SLC44A5: variants seen among roughly 807,000 people sequenced by gnomAD.
SLC44A5 encodes the protein solute carrier family 44 member 5.
A neutral mutation model predicts 101.8 loss-of-function variants in SLC44A5; 57 were observed. That is an observed-to-expected ratio of 0.56 (90% CI 0.45 to 0.70). SLC44A5 has a LOEUF of 0.70. SLC44A5 is among the 30% of genes least tolerant of loss of function. The pLI is 0.00. For missense variants in SLC44A5, 737 were observed against 853.1 expected, an observed-to-expected ratio of 0.86 and a Z score of 1.70; for synonymous variants, 281 against 290.9, an observed-to-expected ratio of 0.97 and a Z score of 0.35.
chr1:75,472,165 C>G (rs1211623328), intron 2 of SLC44A5, among the ~76,000 whole-genome samples: 1 of 150,668 alleles, frequency 6.6e-6, no homozygotes, highest in Admixed American at 6.6e-5. Context: ...TCAAACAAGA[C>G]CAAAGAAAAA....
intron 6 of SLC44A5, among the ~76,000 whole-genome samples, chr1:75,263,692 G>A (rs1251689772): frequency 6.6e-6 from 1 of 152,128 alleles, no homozygotes; most frequent in Non-Finnish European, 1.5e-5. Context: ...TATGTTTATT[G>A]CAGCACTGTT....
chr1:75,540,189 G>A (rs75043243), intron 2 of SLC44A5, among the ~76,000 whole-genome samples: 5,962 of 152,202 alleles, frequency 0.039, 402 homozygotes, highest in African/African-American at 0.14. Flanking sequence ...GAGCATATAT[G>A]TACTACTTCT....
At chr1:75,306,085 T>C (rs1654875182) in intron 4 of SLC44A5, among the ~76,000 whole-genome samples, 1 of 152,238 alleles carries the variant, frequency 6.6e-6, no homozygotes, top group African/African-American at 2.4e-5. Flanking sequence ...AGAAACGTTA[T>C]GTAAAATTCA....
chr1:75,340,489 T>C (rs1272496015), intron 3 of SLC44A5, among the ~76,000 whole-genome samples: 1 of 152,234 alleles, frequency 6.6e-6, no homozygotes, highest in Non-Finnish European at 1.5e-5. Context: ...TTTGAGACAG[T>C]TGATTTGTAC....
rs1010350792 is a variant in SLC44A5, at chr1:75,242,973, A to G, written c.384T>C (p.Tyr128=). Residue 128 remains tyrosine (Y), a synonymous_variant, in exon 8 of 24, where the codon TAT becomes TAC. Coordinates refer to ENST00000370859, the MANE Select transcript of SLC44A5 (RefSeq NM_001130058.2). ...VSKCPEKFLT[Y]VEMQLLYTKD... ...TTGTGTACAAAAGTTGCATTTCCAC[A>G]TAGGTTAAAAATTTTTCTGGGCACT... 4 of 1,612,566 alleles carry G rather than the reference A, an allele frequency of 2.5e-6. No homozygotes were observed. The highest frequency in any genetic ancestry group is 1.3e-5 in the African/African-American group (1 of 74,936).
chr1:75,222,800 T>G (rs1022064950), intron 13 of SLC44A5, among the ~76,000 whole-genome samples: 3 of 152,154 alleles, frequency 2.0e-5, no homozygotes, highest in Admixed American at 6.5e-5. Flanking sequence ...GTTTTCACCT[T>G]TAGTTCATTA....
intron 2 of SLC44A5, among the ~76,000 whole-genome samples, chr1:75,523,245 G>A (rs1301081592): frequency 1.3e-5 from 2 of 152,080 alleles, no homozygotes; most frequent in South Asian, 2.1e-4. Flanking sequence ...GGTAGCATGT[G>A]GATATGACTC....
intron 22 of SLC44A5, among the ~76,000 whole-genome samples, chr1:75,213,092 C>G (rs1379235468): frequency 1.3e-5 from 2 of 152,148 alleles, no homozygotes; most frequent in African/African-American, 4.8e-5. Context: ...TCAGCTGTAA[C>G]TTCGGCATGG....
At chr1:75,438,024 T>C (rs1430129906) in intron 2 of SLC44A5, among the ~76,000 whole-genome samples, 1 of 152,064 alleles carries the variant, frequency 6.6e-6, no homozygotes, top group Non-Finnish European at 1.5e-5. Flanking sequence ...GCCCCCAGAG[T>C]GAGCCACTGT....
chr1:75,699,449 T>A, the SLC44A5 span, among the ~76,000 whole-genome samples: 7 of 151,576 alleles, frequency 4.6e-5, no homozygotes, highest in African/African-American at 1.7e-4. Flanking sequence ...GACAAGCAAA[T>A]GCTGAGAGAT....
intron 6 of SLC44A5, among the ~76,000 whole-genome samples, chr1:75,259,465 A>T (rs1263666852): frequency 6.6e-6 from 1 of 152,184 alleles, no homozygotes; most frequent in Non-Finnish European, 1.5e-5. Context: ...TAAAGTGAGA[A>T]GACAAGATTA....
intron 11 of SLC44A5, among the ~76,000 whole-genome samples, chr1:75,236,247 G>A (rs1648066923): frequency 6.6e-6 from 1 of 151,952 alleles, no homozygotes. Flanking sequence ...AAGGGCCTTA[G>A]AAGTAACTGA....
At chr1:75,513,348 T>G (rs1342247285) in intron 2 of SLC44A5, among the ~76,000 whole-genome samples, 3 of 152,228 alleles carry the variant, frequency 2.0e-5, no homozygotes, top group Non-Finnish European at 2.9e-5. Context: ...GTCACTTGGC[T>G]TCTCAAATTC....
intron 1 of SLC44A5, among the ~76,000 whole-genome samples, chr1:75,583,990 C>A (rs1673852576): frequency 6.6e-6 from 1 of 152,232 alleles, no homozygotes; most frequent in Non-Finnish European, 1.5e-5. Flanking sequence ...CTCAATGTCC[C>A]AAGCTTTGAG....
At chr1:75,609,300 T>C (rs1333963470) in intron 1 of SLC44A5, among the ~76,000 whole-genome samples, 1 of 151,592 alleles carries the variant, frequency 6.6e-6, no homozygotes, top group Non-Finnish European at 1.5e-5. Context: ...GTTTCATTTC[T>C]TTGGGTTTTT....
chr1:75,602,523 T>C (rs1016459122), intron 1 of SLC44A5, among the ~76,000 whole-genome samples: 12 of 152,168 alleles, frequency 7.9e-5, no homozygotes, highest in Non-Finnish European at 4.4e-5. Flanking sequence ...AAGATATCCC[T>C]GGACACATCT....
intron 2 of SLC44A5, among the ~76,000 whole-genome samples, chr1:75,506,362 GAATA>G (rs1669254948): frequency 6.6e-6 from 1 of 152,098 alleles, no homozygotes. Flanking sequence ...GTGAACTTTA[GAATA>G]GTTTGTTTCT....
intron 2 of SLC44A5, among the ~76,000 whole-genome samples, chr1:75,425,533 C>T (rs1038973994): frequency 6.6e-5 from 10 of 152,224 alleles, no homozygotes; most frequent in Middle Eastern, 3.4e-3. Flanking sequence ...GCTGCACAGA[C>T]GATTATCTTC....
intron 2 of SLC44A5, among the ~76,000 whole-genome samples, chr1:75,414,312 T>TCC (rs1557760718): frequency 1.8e-4 from 22 of 123,908 alleles, no homozygotes; most frequent in Admixed American, 6.6e-4. Context: ...CATACATACA[T>TCC]ACATATCCAC....
Sources: gnomAD v4.1 joint callset for allele counts (sites outside exome capture counted in the v4.1 genomes callset) on GRCh38, gnomAD v4.1.1 for gene constraint, MANE v1.5 for transcripts, NCBI Gene and HGNC (gene_info 2026-07-23, HGNC 2026-07-21) for gene names.